OPCML: variants seen among roughly 807,000 people sequenced by gnomAD.
OPCML encodes opioid binding protein/cell adhesion molecule like.
OPCML carries 13 observed loss-of-function variants against 37.8 expected under a neutral mutation model. The ratio of observed to expected loss-of-function variants is 0.34; its 90% CI spans 0.22 to 0.55. The LOEUF (loss-of-function observed/expected upper bound fraction) is 0.55. OPCML is among the 20% of genes least tolerant of loss of function. The pLI, the probability that OPCML is intolerant of heterozygous loss-of-function variation, is 0.91. For synonymous variants in OPCML, 176 were observed against 168.8 expected (o/e 1.04, Z -0.33); for missense variants, 341 against 435.6 (o/e 0.78, Z 1.93).
intron 1 of OPCML, among the ~76,000 whole-genome samples, chr11:133,321,175 A>C (rs951450447): frequency 2.6e-5 from 4 of 152,126 alleles, no homozygotes; most frequent in Non-Finnish European, 5.9e-5. Flanking sequence ...TTTTAAAAAA[A>C]ACAAAACCCA....
intron 3 of OPCML, among the ~76,000 whole-genome samples, chr11:132,585,561 T>C (rs931218346): frequency 1.2e-4 from 19 of 152,122 alleles, no homozygotes; most frequent in Non-Finnish European, 1.2e-4. Context: ...ATAATTTTGT[T>C]TAACACAGTG....
At chr11:132,744,946 C>T (rs533880954) in intron 2 of OPCML, among the ~76,000 whole-genome samples, 1 of 152,024 alleles carries the variant, frequency 6.6e-6, no homozygotes, top group South Asian at 2.1e-4. Context: ...GGCAGCTCAT[C>T]AAGGAAGTGA....
intron 1 of OPCML, among the ~76,000 whole-genome samples, chr11:133,209,712 T>A (rs1939271594): frequency 6.6e-6 from 1 of 152,124 alleles, no homozygotes; most frequent in African/African-American, 2.4e-5. Context: ...AACAAATGAA[T>A]ACATGGGTGG....
intron 3 of OPCML, among the ~76,000 whole-genome samples, chr11:132,632,972 G>A (rs1425148584): frequency 6.6e-6 from 1 of 151,170 alleles, no homozygotes; most frequent in Non-Finnish European, 1.5e-5. Flanking sequence ...AACCATCCAG[G>A]ATGACGAATT....
At chr11:132,527,884 G>A (rs1195455297) in intron 4 of OPCML, among the ~76,000 whole-genome samples, 32 of 152,000 alleles carry the variant, frequency 2.1e-4, no homozygotes, top group Admixed American at 2.1e-3. Context: ...GGACACAGAT[G>A]CATCTAGGAA....
chr11:132,510,328 C>A lies in OPCML; in HGVS notation c.505+18733G>T, dbSNP rs527825382. Among the ~76,000 whole-genome samples the A allele has an allele frequency of 2.6e-4, 40 of 152,134 alleles. No individual in the cohort carries two copies. In the South Asian group the frequency reaches 8.3e-3, roughly 32 times the overall value. On this transcript the variant is annotated intron_variant, in intron 4 of 7. Coordinates refer to ENST00000524381, the MANE Select transcript of OPCML (RefSeq NM_001012393.5). ...CTCAGATGAGACTTTGGACTGTGGA[C>A]TTTTGGGTTAATGTTGAAATGAGTT...
chr11:133,381,078 C>T (rs1165309526), intron 1 of OPCML, among the ~76,000 whole-genome samples: 4 of 152,224 alleles, frequency 2.6e-5, no homozygotes, highest in Non-Finnish European at 5.9e-5. Context: ...CTGAGGCAGC[C>T]TGGCAGCAGG....
intron 1 of OPCML, among the ~76,000 whole-genome samples, chr11:132,978,627 A>T (rs1206296201): frequency 6.6e-6 from 1 of 152,186 alleles, no homozygotes; most frequent in Non-Finnish European, 1.5e-5. Flanking sequence ...GCAAGGCTTT[A>T]TAACCAAGGA....
intron 2 of OPCML, among the ~76,000 whole-genome samples, chr11:132,704,510 G>A (rs1385861100): frequency 1.3e-5 from 2 of 152,204 alleles, no homozygotes; most frequent in East Asian, 3.9e-4. Flanking sequence ...CCTTTGAGGG[G>A]AATAAATTAA....
intron 1 of OPCML, among the ~76,000 whole-genome samples, chr11:133,310,475 T>C (rs1191308747): frequency 6.6e-6 from 1 of 152,182 alleles, no homozygotes; most frequent in Non-Finnish European, 1.5e-5. Context: ...AAGCAAGTTA[T>C]ACTTTATGGC....
intron 1 of OPCML, among the ~76,000 whole-genome samples, chr11:133,423,836 G>A (rs1339444449): frequency 2.6e-5 from 4 of 152,092 alleles, no homozygotes; most frequent in Non-Finnish European, 5.9e-5. Context: ...TGAGAGAGCT[G>A]GTTGTTTAAA....
At chr11:132,825,783 G>A (rs1434440865) in intron 2 of OPCML, among the ~76,000 whole-genome samples, 1 of 152,198 alleles carries the variant, frequency 6.6e-6, no homozygotes, top group African/African-American at 2.4e-5. Context: ...TTAACAAAGT[G>A]AAGGGAAAAG....
intron 3 of OPCML, among the ~76,000 whole-genome samples, chr11:132,593,805 A>T (rs1227236941): frequency 6.6e-6 from 1 of 152,218 alleles, no homozygotes; most frequent in East Asian, 1.9e-4. Flanking sequence ...TTAATTACTG[A>T]TACTTGTCCT....
At chr11:132,468,990 G>A (rs1240294045) in intron 4 of OPCML, among the ~76,000 whole-genome samples, 5 of 152,150 alleles carry the variant, frequency 3.3e-5, no homozygotes. Flanking sequence ...CCTTCTGTAT[G>A]TTATTGAAAG....
At chr11:132,812,929 A>G (rs1471110123) in intron 2 of OPCML, among the ~76,000 whole-genome samples, 4 of 152,216 alleles carry the variant, frequency 2.6e-5, no homozygotes, top group East Asian at 1.9e-4. Flanking sequence ...AATTAGATCT[A>G]TACAGAGGTC....
chr11:132,469,083 A>G (rs182186795), intron 4 of OPCML, among the ~76,000 whole-genome samples: 3 of 152,378 alleles, frequency 2.0e-5, no homozygotes, highest in Admixed American at 2.0e-4. Context: ...TTTATTCATT[A>G]GACAAATGTG....
chr11:133,214,169 T>A (rs1284476671), intron 1 of OPCML, among the ~76,000 whole-genome samples: 1 of 152,128 alleles, frequency 6.6e-6, no homozygotes, highest in Non-Finnish European at 1.5e-5. Context: ...AATAATAAGA[T>A]TAAAAAAATC....
At chr11:133,376,161 T>C (rs1423821491) in intron 1 of OPCML, among the ~76,000 whole-genome samples, 1 of 151,824 alleles carries the variant, frequency 6.6e-6, no homozygotes, top group African/African-American at 2.4e-5. Context: ...TAAGAGATCA[T>C]AAAGTTTACA....
intron 1 of OPCML, among the ~76,000 whole-genome samples, chr11:133,303,623 T>A (rs1942838666): frequency 6.6e-6 from 1 of 152,212 alleles, no homozygotes; most frequent in Non-Finnish European, 1.5e-5. Context: ...GAGACTTGCA[T>A]AAAATATGCT....
Sources: allele counts gnomAD v4.1 joint callset (sites outside exome capture counted in the v4.1 genomes callset), GRCh38; gene constraint gnomAD v4.1.1; transcripts MANE v1.5; gene names NCBI Gene and HGNC (gene_info 2026-07-23, HGNC 2026-07-21).